The following SEC61A1 variants were observed in gnomAD, a reference collection of about 807,000 sequenced individuals.
The protein encoded by SEC61A1 is protein transport protein Sec61 subunit alpha isoform 1.
Under a neutral mutation model 55.2 loss-of-function variants are expected in SEC61A1, and 15 were observed. The ratio of observed to expected loss-of-function variants is 0.27; its 90% CI spans 0.18 to 0.42. The LOEUF is 0.42. Ranked by LOEUF, SEC61A1 falls within the 10% of genes least tolerant of loss-of-function variation. The pLI, the probability that SEC61A1 is intolerant of heterozygous loss-of-function variation, is 1.00. For missense variants in SEC61A1, 284 were observed against 602.6 expected (o/e 0.47, Z 5.53); for synonymous variants, 247 against 234.0 (o/e 1.06, Z -0.51).
chr3:128,052,709 G>T (rs2107639628), intron 1 of SEC61A1, 126 bp from the exon 2 acceptor site: 4 of 1,501,664 alleles, frequency 2.7e-6, no homozygotes, highest in Non-Finnish European at 2.7e-6. Context: ...ATCCCCACGC[G>T]TCCGGGGTGC....
At position 128,069,720 on chromosome 3, in the gene SEC61A1, C is replaced by G. The variant is rs995466144; in HGVS notation, c.*58C>G. 3.5e-5 allele frequency: 51 copies of G among 1,464,328 alleles called. No homozygotes were observed. Among genetic ancestry groups the G allele is most frequent in the Non-Finnish European group, 4.8e-5 (50 of 1,051,846 alleles). 90.7% of individuals were successfully genotyped at this position (1,464,328 alleles called of 1,614,324 possible). ...CCAGAAGCGCCTCGGAAGGGGAGCT[C>G]TCATCATGGCGCGTGCTGCTGCGGC... On this transcript the variant is annotated 3_prime_UTR_variant, in exon 12 of 12. Transcript: ENST00000243253.
intron 11 of SEC61A1, chr3:128,068,822 CACAG>C (rs1460186725): frequency 6.6e-6 from 1 of 152,506 alleles, no homozygotes; most frequent in Non-Finnish European, 1.5e-5. Context: ...CAGAAGCAGC[CACAG>C]ACAGACAACA....
Position 128,069,619 on chromosome 3 carries a change from A to C in SEC61A1, c.1388A>C (p.Lys463Thr). The part of the protein sequence containing the change: ...IIYQYFEIFV[K>T]EQSEVGSMGA... ...TACCAGTACTTTGAGATCTTCGTTA[A>C]GGAGCAAAGCGAGGTTGGCAGCATG... The change falls in exon 12 of 12, where the codon AAG becomes ACG. Residue 463 changes from lysine to threonine, a missense_variant. Coordinates refer to ENST00000243253, the MANE Select transcript of SEC61A1 (RefSeq NM_013336.4). The C allele has an allele frequency of 6.2e-7, 1 of 1,614,190 alleles. No individual in the cohort carries two copies. The highest frequency in any genetic ancestry group is 8.5e-7 in the Non-Finnish European group (1 of 1,180,030).
intron 7 of SEC61A1, among the ~76,000 whole-genome samples, chr3:128,062,400 G>A (rs2107645540): frequency 6.6e-6 from 1 of 152,368 alleles, no homozygotes; most frequent in South Asian, 2.1e-4. Flanking sequence ...TACAGGCAGA[G>A]ACAGTAATCA....
In SEC61A1 at chr3:128,052,908, T is replaced by A. The variant is rs2107639816; in HGVS notation, c.75+6T>A. 1 of 1,609,102 alleles carries A rather than the reference T, an allele frequency of 6.2e-7. No individual in the cohort carries two copies. The highest frequency in any genetic ancestry group is 2.2e-5 in the East Asian group (1 of 44,848). ...TTCAGAAGCCAGAGAGGAAGGTAAG[T>A]ACCCCAAATCGCCAACAAAGAAGGT... On this transcript the variant is annotated splice_donor_region_variant and intron_variant, in intron 2 of 11. Coordinates refer to ENST00000243253, the MANE Select transcript of SEC61A1 (RefSeq NM_013336.4).
chr3:128,068,308 A>C (rs1942044681), intron 11 of SEC61A1, among the ~76,000 whole-genome samples: 1 of 152,270 alleles, frequency 6.6e-6, no homozygotes, highest in South Asian at 2.1e-4. Context: ...GCATGTGGCC[A>C]GGCGGATAGG....
In SEC61A1 at chr3:128,067,215, C is replaced by A; in HGVS notation, c.975+64C>A. On this transcript the variant is annotated intron_variant, in intron 9 of 11. Transcript: ENST00000243253. This position sits in a 1 kb window ranked among gnomAD's most constrained non-coding sequence, Gnocchi z 4.1. ...AAGTTGCAGTGGTTTCTATCAGTGT[C>A]TTGCTCATGAACAGATATTTCATCC... 6.8e-7 allele frequency: 1 copy of A among 1,471,230 alleles called. No homozygotes were observed. The highest frequency in any genetic ancestry group is 9.5e-7 in the Non-Finnish European group (1 of 1,051,540). 91.1% of individuals were successfully genotyped at this position (1,471,230 alleles called of 1,614,324 possible).
Position 128,069,890 on chromosome 3 carries a change from G to T in SEC61A1, c.*228G>T. The T allele has an allele frequency of 1.9e-6, 1 of 537,338 alleles. No individual in the cohort carries two copies. Among genetic ancestry groups the T allele is most frequent in the Non-Finnish European group, 3.3e-6 (1 of 301,964 alleles). 33.3% of individuals were successfully genotyped at this position (537,338 alleles called of 1,614,324 possible). ...AAAGTGAAATTTTATTCAGCCGACT[G>T]CCAGAGAAGTGGGAATGGTATAGGA... On this transcript the variant is annotated 3_prime_UTR_variant, in exon 12 of 12. Transcript: ENST00000243253.
rs1287055354 is a variant in SEC61A1 at position 128,060,163 on chromosome 3, G to T, written c.414G>T (p.Gly138=). The part of the protein sequence containing the change: ...SIVYVMTGMY[G]DPSEMGAGIC... The stretch of plus-strand genomic sequence containing the variant: ...TGTATGTGATGACCGGGATGTATGG[G>T]GACCCTTCTGAAATGGGTGCTGGAA... The change falls in exon 6 of 12, where the codon GGG becomes GGT. Residue 138 remains glycine, a synonymous_variant. Transcript: ENST00000243253. The T allele has an allele frequency of 1.2e-6, 2 of 1,614,042 alleles. No individual in the cohort carries two copies. The highest frequency in any genetic ancestry group is 2.2e-5 in the East Asian group (1 of 44,882).
intron 7 of SEC61A1, among the ~76,000 whole-genome samples, chr3:128,062,960 C>T (rs780541867): frequency 6.6e-6 from 1 of 152,200 alleles, no homozygotes; most frequent in Non-Finnish European, 1.5e-5. Context: ...TGGGCCACCT[C>T]TCTAGGCTCA....
intron 5 of SEC61A1, among the ~76,000 whole-genome samples, chr3:128,059,843 C>A (rs1436922395): frequency 6.6e-6 from 1 of 152,170 alleles, no homozygotes; most frequent in South Asian, 2.1e-4. Context: ...TTTTACTCCT[C>A]CCATGACTAA....
chr3:128,052,673 GC>G lies in SEC61A1; in HGVS notation c.7+117del, dbSNP rs1941706603. ...CCTGACCGGCCCCCTGCAGAACGCGGCCCGTGCCCCCGGCCCTTCTCGAGTA... is the reference window on the plus strand; with the variant it reads ...CCTGACCGGCCCCCTGCAGAACGCGGCCGTGCCCCCGGCCCTTCTCGAGTA... On this transcript the variant is annotated intron_variant, in intron 1 of 11. Coordinates refer to ENST00000243253, the MANE Select transcript of SEC61A1 (RefSeq NM_013336.4). 2.0e-6 allele frequency: 3 copies of G among 1,533,006 alleles called. No homozygotes were observed. The African/African-American group carries it at 4.1e-5, about 21-fold the overall frequency. The allele number at this position is 1,533,006 out of a possible 1,614,324, so 95.0% of individuals were successfully genotyped here.
chr3:128,065,253 TA>T, intron 8 of SEC61A1: 1 of 634,762 alleles, frequency 1.6e-6, no homozygotes, highest in South Asian at 1.8e-5. Context: ...AAGGCAGTTC[TA>T]ACGTAAGTGA....
chr3:128,060,919 T>G (rs1028237719), intron 7 of SEC61A1, among the ~76,000 whole-genome samples: 1 of 152,242 alleles, frequency 6.6e-6, no homozygotes, highest in Admixed American at 6.5e-5. Flanking sequence ...CCTGCCTCAC[T>G]TTTCTTAGCA....
chr3:128,056,275 G>A (rs1315271489), intron 4 of SEC61A1, among the ~76,000 whole-genome samples: 1 of 152,154 alleles, frequency 6.6e-6, no homozygotes, highest in Non-Finnish European at 1.5e-5. Flanking sequence ...AAATCAGTTG[G>A]AAGTGTAGCT....
In SEC61A1 at chr3:128,056,713, A is replaced by G. The variant is rs1941777687; in HGVS notation, c.225A>G (p.Thr75=). 1.9e-6 allele frequency: 3 copies of G among 1,565,198 alleles called. No homozygotes were observed. Among genetic ancestry groups the G allele is most frequent in the East Asian group, 2.3e-5 (1 of 43,626 alleles). The change falls in exon 5 of 12, where the codon ACA becomes ACG. Residue 75 remains threonine (T), a synonymous_variant. Transcript: ENST00000243253. The part of the protein sequence containing the change: ...MRVILASNRG[T]LMELGISPIV... ...TTGCTTCCCCGTTTCCTCAAGGCAC[A>G]TTGATGGAGCTAGGGATCTCTCCTA... is the stretch of plus-strand genomic sequence containing the variant.
At chr3:128,057,025 C>T (rs954512805) in intron 5 of SEC61A1, among the ~76,000 whole-genome samples, 185 bp downstream of exon 5, 2 of 152,044 alleles carry the variant, frequency 1.3e-5, no homozygotes, top group Non-Finnish European at 2.9e-5. Flanking sequence ...CAACCTCCAC[C>T]TCCCAGGTTC....
intron 7 of SEC61A1, 83 bp from the exon 8 acceptor site, chr3:128,064,794 T>G: frequency 7.7e-7 from 1 of 1,300,284 alleles, no homozygotes; most frequent in South Asian, 1.4e-5. Context: ...TGTTTTCCTC[T>G]TTTTATTTGT....
chr3:128,052,333 C>T (rs1185343484), upstream of SEC61A1: 53 of 523,548 alleles, frequency 1.0e-4, no homozygotes, highest in Non-Finnish European at 1.3e-4. Flanking sequence ...CGCGGCGAAG[C>T]GCGGCGGCCG....
Sources: gnomAD v4.1 joint callset for allele counts (sites outside exome capture counted in the v4.1 genomes callset) on GRCh38, gnomAD v4.1.1 for gene constraint, Gnocchi (gnomAD v3.1) non-coding constraint, MANE v1.5 for transcripts, NCBI Gene and HGNC (gene_info 2026-07-23, HGNC 2026-07-21) for gene names.